Variants in CARMIL1 observed in about 807,000 individuals in gnomAD.
The protein encoded by CARMIL1 is F-actin-uncapping protein LRRC16A.
Under a neutral mutation model 177.1 loss-of-function variants are expected in CARMIL1, and 90 were observed. The ratio of observed to expected loss-of-function variants is 0.51; its 90% CI spans 0.43 to 0.61. The LOEUF is 0.61. CARMIL1 is among the 20% of genes least tolerant of loss of function. CARMIL1 has a pLI of 0.00. For missense variants in CARMIL1, 1,380 were observed against 1,667.0 expected (o/e 0.83, Z 3.00); for synonymous variants, 577 against 606.2 (o/e 0.95, Z 0.71).
intron 29 of CARMIL1, among the ~76,000 whole-genome samples, chr6:25,571,568 A>T (rs1812068521): frequency 1.3e-5 from 2 of 152,212 alleles, no homozygotes; most frequent in Non-Finnish European, 1.5e-5. Flanking sequence ...ATTAATTACC[A>T]AGGGAATTAA....
rs1805311531 is a variant in CARMIL1 at position 25,509,992 on chromosome 6, A to T, written c.1477+255A>T. Among the ~76,000 whole-genome samples, 1 of 152,172 alleles carries T rather than the reference A, an allele frequency of 6.6e-6. No individual in the cohort carries two copies. The highest frequency in any genetic ancestry group is 2.1e-4 in the South Asian group (1 of 4,826). On this transcript the variant is annotated intron_variant, in intron 18 of 36. Coordinates refer to ENST00000329474, the MANE Select transcript of CARMIL1 (RefSeq NM_017640.6). The surrounding 1 kb of genome is among the most constrained non-coding windows in gnomAD (Gnocchi z 4.1). ...AAAACAACTCAGTTATAAAAATATCACCAGTACATTGAAAAGGGTCTGAGA... is the reference window on the plus strand; with the variant it reads ...AAAACAACTCAGTTATAAAAATATCTCCAGTACATTGAAAAGGGTCTGAGA...
rs1759580676 is a variant in CARMIL1 at position 25,619,695 on chromosome 6, T to C, written c.*112T>C. 3 of 1,099,266 alleles carry C rather than the reference T, an allele frequency of 2.7e-6. No individual in the cohort carries two copies. The highest frequency in any genetic ancestry group is 3.7e-6 in the Non-Finnish European group (3 of 813,300). 68.1% of individuals were successfully genotyped at this position (1,099,266 alleles called of 1,614,324 possible). A position where few individuals can be genotyped will look rare whatever the true frequency, so the allele number is the denominator to read the frequency against. ...GTTCTTCTCTGGGTGCTTTATTCTC[T>C]TCTTTTTCTTTATTTCGCCCCCACC... On this transcript the variant is annotated 3_prime_UTR_variant, in exon 37 of 37. Transcript: ENST00000329474.
At chr6:25,340,228 C>A (rs889879581) in intron 2 of CARMIL1, among the ~76,000 whole-genome samples, 1 of 152,174 alleles carries the variant, frequency 6.6e-6, no homozygotes, top group East Asian at 1.9e-4. Flanking sequence ...TTTAGAGTGT[C>A]ATTTATTTTT....
intron 8 of CARMIL1, among the ~76,000 whole-genome samples, chr6:25,459,261 TC>T (rs1459503448): frequency 1.7e-5 from 2 of 118,272 alleles, no homozygotes; most frequent in African/African-American, 3.3e-5. Context: ...TTTCTTTCTT[TC>T]TTTCTTTTTT....
chr6:25,301,818 T>C (rs1782881690), intron 2 of CARMIL1, among the ~76,000 whole-genome samples: 1 of 152,232 alleles, frequency 6.6e-6, no homozygotes. Flanking sequence ...GTTGATGGGT[T>C]GACTTTCCCA....
intron 16 of CARMIL1, among the ~76,000 whole-genome samples, chr6:25,495,636 A>G (rs1478796753): frequency 6.6e-6 from 1 of 151,832 alleles, no homozygotes; most frequent in Admixed American, 6.6e-5. Context: ...AACACATTGT[A>G]TGTATGCAAC....
intron 2 of CARMIL1, among the ~76,000 whole-genome samples, chr6:25,380,327 G>A (rs929768988): frequency 6.6e-6 from 1 of 152,200 alleles, no homozygotes; most frequent in Non-Finnish European, 1.5e-5. Flanking sequence ...CTTGCAGGCC[G>A]ATTCTCTGTT....
chr6:25,307,761 CTTTAT>C (rs1198234384), intron 2 of CARMIL1, among the ~76,000 whole-genome samples: 1 of 152,126 alleles, frequency 6.6e-6, no homozygotes, highest in African/African-American at 2.4e-5. Context: ...CCGTGTTAGT[CTTTAT>C]TTTGTTTAGA....
chr6:25,294,975 G>C (rs1782276060), intron 2 of CARMIL1, among the ~76,000 whole-genome samples: 1 of 152,138 alleles, frequency 6.6e-6, no homozygotes, highest in African/African-American at 2.4e-5. Flanking sequence ...CTCCAGGCAG[G>C]GTGGGGAACA....
intron 2 of CARMIL1, among the ~76,000 whole-genome samples, chr6:25,297,268 A>G (rs1782478739): frequency 6.6e-6 from 1 of 152,236 alleles, no homozygotes; most frequent in South Asian, 2.1e-4. Flanking sequence ...ACGTAGTCAC[A>G]TATTTGGCTT....
intron 2 of CARMIL1, among the ~76,000 whole-genome samples, chr6:25,285,959 C>T (rs1369877995): frequency 6.6e-6 from 1 of 152,166 alleles, no homozygotes; most frequent in Non-Finnish European, 1.5e-5. Context: ...GTAGCCTCAA[C>T]CTCCCAGGCT....
chr6:25,331,457 C>A (rs1430435477), intron 2 of CARMIL1, among the ~76,000 whole-genome samples: 1 of 152,188 alleles, frequency 6.6e-6, no homozygotes, highest in African/African-American at 2.4e-5. Context: ...ACCTCAGTAC[C>A]CTTTTAATTA....
In CARMIL1 at chr6:25,556,862, C is replaced by A; in HGVS notation, c.2742+12C>A. The A allele has an allele frequency of 6.2e-7, 1 of 1,612,120 alleles. No individual in the cohort carries two copies. The highest frequency in any genetic ancestry group is 8.5e-7 in the Non-Finnish European group (1 of 1,178,900). On this transcript the variant is annotated intron_variant, in intron 29 of 36. Transcript: ENST00000329474. ...TGGATACCTGTATGGTAAGACACAT[C>A]CTCTGGTGGTACCGTTACCCTTTTC...
chr6:25,567,649 G>T (rs2151208759), intron 29 of CARMIL1, among the ~76,000 whole-genome samples: 1 of 152,252 alleles, frequency 6.6e-6, no homozygotes, highest in South Asian at 2.1e-4. Flanking sequence ...GAACAAGTAG[G>T]GTAGATTTAC....
chr6:25,473,510 A>C (rs1369820067), intron 11 of CARMIL1, among the ~76,000 whole-genome samples: 1 of 152,258 alleles, frequency 6.6e-6, no homozygotes, highest in Non-Finnish European at 1.5e-5. Context: ...ATAAGAAAAT[A>C]TATTTCCTGT....
At chr6:25,316,276 C>T (rs571176483) in intron 2 of CARMIL1, among the ~76,000 whole-genome samples, 1 of 152,192 alleles carries the variant, frequency 6.6e-6, no homozygotes, top group African/African-American at 2.4e-5. Flanking sequence ...TGGGCACAGG[C>T]GCAGCACTCA....
chr6:25,594,665 T>C (rs1001964521), intron 32 of CARMIL1, 138 bp downstream of exon 32: 15 of 594,222 alleles, frequency 2.5e-5, no homozygotes, highest in Non-Finnish European at 3.5e-5. Flanking sequence ...ATATGGTCTC[T>C]GGGCCGGCAA....
intron 23 of CARMIL1, among the ~76,000 whole-genome samples, chr6:25,526,653 A>G (rs1182158580): frequency 6.6e-6 from 1 of 151,938 alleles, no homozygotes. Flanking sequence ...CCTGAGCTCA[A>G]GTGATCCTCC....
At chr6:25,337,651 G>T (rs1457029808) in intron 2 of CARMIL1, among the ~76,000 whole-genome samples, 1 of 152,220 alleles carries the variant, frequency 6.6e-6, no homozygotes, top group Non-Finnish European at 1.5e-5. Context: ...GATTGTGATG[G>T]TTGTGGGTCA....
Sources: gnomAD v4.1 joint callset for allele counts (sites outside exome capture counted in the v4.1 genomes callset) on GRCh38, gnomAD v4.1.1 for gene constraint, Gnocchi (gnomAD v3.1) non-coding constraint, MANE v1.5 for transcripts, NCBI Gene and HGNC (gene_info 2026-07-23, HGNC 2026-07-21) for gene names.